GUSB: variants seen among roughly 807,000 people sequenced by gnomAD.
The protein encoded by GUSB is glucuronidase beta.
Under a neutral mutation model 74.6 loss-of-function variants are expected in GUSB, and 51 were observed. That is an observed-to-expected ratio of 0.68 (90% CI 0.55 to 0.86). GUSB has a LOEUF of 0.86. Ranked by LOEUF, GUSB falls within the 40% of genes least tolerant of loss-of-function variation. The probability of loss-of-function intolerance (pLI) is 0.00; values close to 1 mark genes in which losing one functional copy is unlikely to be tolerated. For synonymous variants in GUSB, 360 were observed against 348.3 expected, an observed-to-expected ratio of 1.03 and a Z score of -0.37; for missense variants, 736 against 853.7, an observed-to-expected ratio of 0.86 and a Z score of 1.72.
chr7:65,974,704 T>A lies in GUSB; in HGVS notation c.1066A>T (p.Ile356Phe). 2 of 1,612,560 alleles carry A rather than the reference T, an allele frequency of 1.2e-6. No individual in the cohort carries two copies. Among genetic ancestry groups the A allele is most frequent in the Non-Finnish European group, 1.7e-6 (2 of 1,179,998 alleles). ...GGCCAGTCGAAGCCCTTCCCTCGGA[T>A]CTAGGAGATAGCAGAGCCAAGTGAC... is the stretch of plus-strand genomic sequence containing the variant. ...HGVNKHEDAD[I>F]RGKGFDWPLL... Residue 356 changes from isoleucine (I) to phenylalanine (F), a missense_variant and splice_region_variant, in exon 7 of 12, where the codon ATC becomes TTC. Around this residue, in one of 2 missense-constraint regions of GUSB, gnomAD observed 368 missense variants for 489.9 expected, o/e 0.75. Coordinates refer to ENST00000304895, the MANE Select transcript of GUSB (RefSeq NM_000181.4).
At chr7:65,975,233 G>T in intron 5 of GUSB, 162 bp from the exon 6 acceptor site, 1 of 674,142 alleles carries the variant, frequency 1.5e-6, no homozygotes, top group Non-Finnish European at 2.6e-6. Context: ...CTGACCCTGG[G>T]AACCTGCCCT....
intron 8 of GUSB, among the ~76,000 whole-genome samples, chr7:65,971,734 G>GA (rs112996996): frequency 3.0e-3 from 404 of 134,216 alleles, no homozygotes; most frequent in South Asian, 3.3e-3. Flanking sequence ...CCATCTTGCG[G>GA]AAAAAAAAAA....
chr7:65,976,674 G>A (rs1035668866), intron 4 of GUSB, among the ~76,000 whole-genome samples: 1 of 149,392 alleles, frequency 6.7e-6, no homozygotes, highest in Non-Finnish European at 1.5e-5. Context: ...GGTCACACCT[G>A]TAATCCCAAC....
chr7:65,972,634 G>A (rs1489169165), intron 8 of GUSB, among the ~76,000 whole-genome samples: 2 of 152,140 alleles, frequency 1.3e-5, no homozygotes, highest in Non-Finnish European at 2.9e-5. Flanking sequence ...CAGGCTCTCA[G>A]ATGGGAAACT....
intron 4 of GUSB, among the ~76,000 whole-genome samples, chr7:65,976,543 T>C (rs1156865965): frequency 6.6e-6 from 1 of 151,878 alleles, no homozygotes; most frequent in East Asian, 2.0e-4. Context: ...CAGGCTGGTC[T>C]TGAACCCCTG....
chr7:65,970,199 C>T lies in GUSB; in HGVS notation c.1476+83G>A, dbSNP rs1262055311. ...AAACCCAGACTGGCAGCGCATGGTT[C>T]TTCCTGGCTGTTCCCATGACCAGGC... is the stretch of plus-strand genomic sequence containing the variant. On this transcript the variant is annotated intron_variant, in intron 9 of 11. Coordinates refer to ENST00000304895, the MANE Select transcript of GUSB (RefSeq NM_000181.4). 6 of 834,112 alleles carry T rather than the reference C, an allele frequency of 7.2e-6. No homozygotes were observed. In the Admixed American group the frequency reaches 1.0e-4, roughly 14 times the overall value. 51.7% of individuals were successfully genotyped at this position (834,112 alleles called of 1,614,324 possible).
intron 5 of GUSB, chr7:65,975,729 T>C (rs1044799703): frequency 3.4e-4 from 111 of 326,464 alleles, no homozygotes; most frequent in African/African-American, 2.4e-3. Context: ...CATGTGCCTG[T>C]AGTCCCAGCT....
In GUSB at chr7:65,974,379, C is replaced by T; in HGVS notation, c.1307G>A (p.Arg436Lys). 1 of 1,614,152 alleles carries T rather than the reference C, an allele frequency of 6.2e-7. No individual in the cohort carries two copies. Among genetic ancestry groups the T allele is most frequent in the Non-Finnish European group, 8.5e-7 (1 of 1,179,984 alleles). Residue 436 changes from arginine (R) to lysine (K), a missense_variant, in exon 8 of 12, where the codon AGG becomes AAG. Around this residue, in one of 2 missense-constraint regions of GUSB, gnomAD observed 368 missense variants for 489.9 expected, o/e 0.75. Coordinates refer to ENST00000304895, the MANE Select transcript of GUSB (RefSeq NM_000181.4). ...HMQVMEEVVR[R>K]DKNHPAVVMW... ...CACGACCGCGGGGTGGTTCTTGTCCCTACGCACCACTTCTTCCATCACCTG... is the reference window on the plus strand; with the variant it reads ...CACGACCGCGGGGTGGTTCTTGTCCTTACGCACCACTTCTTCCATCACCTG...
At chr7:65,971,378 G>T (rs1013420119) in intron 8 of GUSB, among the ~76,000 whole-genome samples, 1 of 152,326 alleles carries the variant, frequency 6.6e-6, no homozygotes, top group African/African-American at 2.4e-5. Flanking sequence ...TTTTACCAGA[G>T]ACCAGGAGTT....
Position 65,960,976 on chromosome 7 carries a change from T to C in GUSB, c.1877A>G (p.Tyr626Cys). ...CCTGGTTTCATTGGCAATCTTCCAG[T>C]ATCTCTCTCGCAAAAGGAACGCTGC... The part of the protein sequence containing the change: ...KSAAFLLRER[Y>C]WKIANETRYP... The change falls in exon 12 of 12, where the codon TAC becomes TGC. Residue 626 changes from tyrosine (Y) to cysteine (C), a missense_variant. Coordinates refer to ENST00000304895, the MANE Select transcript of GUSB (RefSeq NM_000181.4). 1.9e-6 allele frequency: 3 copies of C among 1,613,684 alleles called. No homozygotes were observed. The highest frequency in any genetic ancestry group is 2.5e-6 in the Non-Finnish European group (3 of 1,179,826).
chr7:65,965,732 A>G (rs575583258), intron 10 of GUSB, among the ~76,000 whole-genome samples: 1 of 152,198 alleles, frequency 6.6e-6, no homozygotes, highest in African/African-American at 2.4e-5. Context: ...TCTATGTTGC[A>G]CAGACTGGTC....
rs371554909 is a variant in GUSB at position 65,975,052 on chromosome 7, G to A, written c.932C>T (p.Thr311Met). 11 of 1,613,338 alleles carry A rather than the reference G, an allele frequency of 6.8e-6. No individual in the cohort carries two copies. Among genetic ancestry groups the A allele is most frequent in the African/African-American group, 4.0e-5 (3 of 74,882 alleles). ...YSLEVQLTAQ[T>M]SLGPVSDFYT... ...GAAGTCAGACACAGGCCCCAGTGAC[G>A]TCTGTGCAGTCAGCTGCACCTATGA... The change falls in exon 6 of 12, where the codon ACG becomes ATG. Residue 311 changes from threonine (T) to methionine (M), a missense_variant. Coordinates refer to ENST00000304895, the MANE Select transcript of GUSB (RefSeq NM_000181.4).
In GUSB at chr7:65,980,556, A is replaced by G. The variant is rs185289909; in HGVS notation, c.211-147T>C. 7.5e-5 allele frequency: 56 copies of G among 749,976 alleles called. No individual in the cohort carries two copies. The East Asian group carries it at 1.5e-3, about 20-fold the overall frequency. 46.5% of individuals were successfully genotyped at this position (749,976 alleles called of 1,614,324 possible). A position where few individuals can be genotyped will look rare whatever the true frequency, so the allele number is the denominator to read the frequency against. ...AAAGGACAGATAACTTGCTGATGACAGGTCAACTGCCAGGGCGATCTGTGC... is the reference window on the plus strand; with the variant it reads ...AAAGGACAGATAACTTGCTGATGACGGGTCAACTGCCAGGGCGATCTGTGC... On this transcript the variant is annotated intron_variant, in intron 1 of 11. Transcript: ENST00000304895.
chr7:65,977,393 C>T (rs1324867020), intron 4 of GUSB, among the ~76,000 whole-genome samples: 2 of 152,156 alleles, frequency 1.3e-5, no homozygotes, highest in African/African-American at 4.8e-5. Context: ...CCACCCATCT[C>T]GGCCTCCAAA....
rs556262224 is a variant in GUSB, at chr7:65,972,151, A to G, written c.1392-1785T>C. Among the ~76,000 whole-genome samples the G allele has an allele frequency of 1.4e-4, 22 of 152,236 alleles. No homozygotes were observed. The South Asian group carries it at 4.1e-3, about 29-fold the overall frequency. On this transcript the variant is annotated intron_variant, in intron 8 of 11. Transcript: ENST00000304895. The stretch of plus-strand genomic sequence containing the variant: ...GGCACCTGCCCGAGGCCTCCACAGT[A>G]CAGACTGTTTTTGTTTTTGTTTTTT...
intron 11 of GUSB, among the ~76,000 whole-genome samples, chr7:65,963,648 T>G (rs1231939508): frequency 6.6e-6 from 1 of 152,092 alleles, no homozygotes; most frequent in Non-Finnish European, 1.5e-5. Flanking sequence ...TGTGCTCAGG[T>G]TATCCGCCTG....
intron 2 of GUSB, 61 bp from the exon 3 acceptor site, chr7:65,979,972 T>A (rs944546037): frequency 2.2e-6 from 3 of 1,340,184 alleles, no homozygotes; most frequent in Non-Finnish European, 3.1e-6. Flanking sequence ...GGCGCCCTAC[T>A]ATCGGGCACT....
In GUSB at chr7:65,970,356, CG is replaced by C. The variant is rs1791112496; in HGVS notation, c.1401del (p.Ile467MetfsTer13). ...ESAGYYLKMV[I>X]AHTKSLDPSR... ...GAGGGGTCCAAGGATTTGGTGTGAG[CG>C]ATCACCATCCTGTCCACAAAAGGCA... On this transcript the variant is annotated frameshift_variant, in exon 9 of 12. Coordinates refer to ENST00000304895, the MANE Select transcript of GUSB (RefSeq NM_000181.4). LOFTEE classifies it high-confidence loss of function. 6.2e-7 allele frequency: 1 copy of C among 1,610,306 alleles called. No homozygotes were observed. Among genetic ancestry groups the C allele is most frequent in the South Asian group, 1.1e-5 (1 of 90,936 alleles).
At position 65,961,135 on chromosome 7, in the gene GUSB, G is replaced by C. The variant is rs1421398033; in HGVS notation, c.1790-72C>G. On this transcript the variant is annotated intron_variant, in intron 11 of 11. Transcript: ENST00000304895. ...TGGGTCAAGTTAGAACCAGTCTGGA[G>C]CTAAGGTAGGCACTAAATAGAAATG... 8 of 1,368,588 alleles carry C rather than the reference G, an allele frequency of 5.8e-6. No individual in the cohort carries two copies. In the East Asian group the frequency reaches 1.6e-4, roughly 27 times the overall value. 84.8% of individuals were successfully genotyped at this position (1,368,588 alleles called of 1,614,324 possible).
Sources: gnomAD v4.1 joint callset for allele counts (sites outside exome capture counted in the v4.1 genomes callset) on GRCh38, gnomAD v4.1.1 for gene constraint, gnomAD v4.1.1 regional missense constraint, MANE v1.5 for transcripts, NCBI Gene and HGNC (gene_info 2026-07-23, HGNC 2026-07-21) for gene names.